Variants in MARCHF1 observed in about 807,000 individuals in gnomAD.
MARCHF1 encodes the protein E3 ubiquitin-protein ligase MARCHF1.
A neutral mutation model predicts 54.2 loss-of-function variants in MARCHF1; 40 were observed. That is an observed-to-expected ratio of 0.74 (90% CI 0.57 to 0.96). The LOEUF (loss-of-function observed/expected upper bound fraction) is 0.96, where lower values mean the gene tolerates loss of function less well. MARCHF1 is among the 40% of genes least tolerant of loss of function. The pLI, the probability that MARCHF1 is intolerant of heterozygous loss-of-function variation, is 0.00. For synonymous variants in MARCHF1, 236 were observed against 236.3 expected (o/e 1.00, Z 0.01); for missense variants, 586 against 656.5 (o/e 0.89, Z 1.17).
At chr4:164,002,513 C>T (rs941802226) in intron 2 of MARCHF1, among the ~76,000 whole-genome samples, 1 of 150,708 alleles carries the variant, frequency 6.6e-6, no homozygotes, top group African/African-American at 2.4e-5. Context: ...AGATAATGTC[C>T]AAACCATAGC....
intron 5 of MARCHF1, among the ~76,000 whole-genome samples, chr4:163,618,066 G>A (rs763920921): frequency 1.7e-4 from 26 of 152,148 alleles, no homozygotes; most frequent in Non-Finnish European, 3.5e-4. Flanking sequence ...TAGCATTTAT[G>A]TCTACAGCCC....
intron 2 of MARCHF1, among the ~76,000 whole-genome samples, chr4:164,074,391 G>A (rs1026948034): frequency 2.6e-5 from 4 of 152,108 alleles, no homozygotes; most frequent in African/African-American, 4.8e-5. Flanking sequence ...TATGTAACAG[G>A]TACACGATTT....
intron 7 of MARCHF1, among the ~76,000 whole-genome samples, chr4:163,598,730 T>A (rs1328698344): frequency 6.6e-6 from 1 of 152,154 alleles, no homozygotes; most frequent in African/African-American, 2.4e-5. Context: ...GATGGGTGAG[T>A]AAACGTGAAG....
chr4:163,666,938 C>A (rs1437521722), intron 5 of MARCHF1, among the ~76,000 whole-genome samples: 1 of 151,990 alleles, frequency 6.6e-6, no homozygotes, highest in Non-Finnish European at 1.5e-5. Context: ...GAGAAGGGAC[C>A]ATTTTAATCT....
intron 3 of MARCHF1, among the ~76,000 whole-genome samples, chr4:163,872,674 C>CATGTGT (rs1344801647): frequency 1.3e-5 from 2 of 151,992 alleles, no homozygotes; most frequent in African/African-American, 4.8e-5. Flanking sequence ...AGTGTATGTG[C>CATGTGT]ATGTGTATGT....
intron 2 of MARCHF1, among the ~76,000 whole-genome samples, chr4:164,066,109 CA>C (rs1204942989): frequency 6.6e-6 from 1 of 152,054 alleles, no homozygotes; most frequent in African/African-American, 2.4e-5. Flanking sequence ...CACCTAATAT[CA>C]ACCATCACAG....
chr4:163,632,888 A>C (rs968269674), intron 5 of MARCHF1, among the ~76,000 whole-genome samples: 1 of 152,214 alleles, frequency 6.6e-6, no homozygotes, highest in African/African-American at 2.4e-5. Flanking sequence ...CCCAGTATGC[A>C]GCTGGAGATC....
At chr4:163,600,279 G>A (rs1357115652) in intron 7 of MARCHF1, among the ~76,000 whole-genome samples, 2 of 152,038 alleles carry the variant, frequency 1.3e-5, no homozygotes, top group South Asian at 2.1e-4. Flanking sequence ...CTCAGATTAG[G>A]CTAAAAATCA....
chr4:164,326,943 G>A (rs959102823), intron 1 of MARCHF1, among the ~76,000 whole-genome samples: 3 of 142,770 alleles, frequency 2.1e-5, no homozygotes, highest in Non-Finnish European at 4.5e-5. Context: ...TACCTCATAG[G>A]TTTGTTGTAA....
intron 1 of MARCHF1, among the ~76,000 whole-genome samples, chr4:164,303,163 A>T (rs1362228835): frequency 6.6e-6 from 1 of 152,150 alleles, no homozygotes; most frequent in Admixed American, 6.5e-5. Flanking sequence ...AGTCATGCCA[A>T]TATGTGAACA....
chr4:164,126,843 G>A (rs566600854), intron 1 of MARCHF1, among the ~76,000 whole-genome samples: 1 of 152,254 alleles, frequency 6.6e-6, no homozygotes, highest in African/African-American at 2.4e-5. Flanking sequence ...ATCACTTGAG[G>A]TCAGGAGCTC....
chr4:163,692,094 A>G (rs924822170), intron 5 of MARCHF1, among the ~76,000 whole-genome samples: 2 of 152,168 alleles, frequency 1.3e-5, no homozygotes, highest in Non-Finnish European at 2.9e-5. Context: ...GCGTGGCCCA[A>G]GGATCATTGC....
At chr4:163,732,454 G>A (rs1032117084) in intron 4 of MARCHF1, among the ~76,000 whole-genome samples, 17 of 151,914 alleles carry the variant, frequency 1.1e-4, no homozygotes, top group Non-Finnish European at 1.8e-4. Context: ...GAAAAGAGAG[G>A]AGGTAAAGAA....
At chr4:164,173,411 C>T (rs944418335) in intron 1 of MARCHF1, among the ~76,000 whole-genome samples, 16 of 152,136 alleles carry the variant, frequency 1.1e-4, no homozygotes, top group Non-Finnish European at 1.5e-4. Context: ...GTCATAAGTA[C>T]AGATTACTTT....
chr4:164,188,580 T>G (rs1016669489), intron 1 of MARCHF1: 14 of 806,546 alleles, frequency 1.7e-5, no homozygotes, highest in Non-Finnish European at 2.7e-5. Flanking sequence ...TATGTGCCCT[T>G]CACTCTTGAA....
intron 5 of MARCHF1, among the ~76,000 whole-genome samples, chr4:163,681,208 G>C (rs1163582823): frequency 1.3e-5 from 2 of 151,850 alleles, no homozygotes; most frequent in Admixed American, 1.3e-4. Context: ...TTCCTGACTA[G>C]TTTTCCGACT....
intron 4 of MARCHF1, among the ~76,000 whole-genome samples, chr4:163,758,857 T>C (rs1038824129): frequency 6.6e-6 from 1 of 152,178 alleles, no homozygotes; most frequent in Non-Finnish European, 1.5e-5. Context: ...TTATTGTAAC[T>C]CAATAACTGA....
chr4:163,816,381 G>GT (rs11353332), intron 4 of MARCHF1, among the ~76,000 whole-genome samples: 2,219 of 149,660 alleles, frequency 0.015, 51 homozygotes, highest in African/African-American at 0.051. Flanking sequence ...ACCTTCTGGT[G>GT]TTTTTTTTTT....
At chr4:163,733,258 T>TACACGTGTATATATACACAC (rs1554008882) in intron 4 of MARCHF1, among the ~76,000 whole-genome samples, 1 of 45,062 alleles carries the variant, frequency 2.2e-5, no homozygotes, top group Non-Finnish European at 5.3e-5. Context: ...TATATATATA[T>TACACGTGTATATATACACAC]ACACACACAC....
Sources: gnomAD v4.1 joint callset for allele counts (sites outside exome capture counted in the v4.1 genomes callset) on GRCh38, gnomAD v4.1.1 for gene constraint, MANE v1.5 for transcripts, NCBI Gene and HGNC (gene_info 2026-07-23, HGNC 2026-07-21) for gene names.